The following ARHGEF4 variants were observed in gnomAD, a reference collection of about 807,000 sequenced individuals.
ARHGEF4 encodes the protein APC-stimulated guanine nucleotide exchange factor 1.
A neutral mutation model predicts 162.0 loss-of-function variants in ARHGEF4; 119 were observed. That is an observed-to-expected ratio of 0.73 (90% CI 0.63 to 0.86). The LOEUF is 0.86. Among genes scored for constraint, ARHGEF4 ranks in the 40% least tolerant of loss-of-function variants. The pLI is 0.00. For synonymous variants in ARHGEF4, 1,014 were observed against 979.9 expected (o/e 1.03, Z -0.65); for missense variants, 2,488 against 2,456.0 (o/e 1.01, Z -0.28).
At chr2:130,930,920 C>T (rs750237697) in intron 2 of ARHGEF4, 32 bp from the exon 3 acceptor site, 1 of 1,571,692 alleles carries the variant, frequency 6.4e-7, no homozygotes, top group Non-Finnish European at 8.7e-7. Context: ...CCTTTGACCT[C>T]TGACCCCTGA....
In ARHGEF4 at chr2:130,915,840, A is replaced by C. The variant is rs1681451850; in HGVS notation, c.1894A>C (p.Ile632Leu). The part of the protein sequence containing the change: ...GEASRGRGAL[I>L]IVAVEQKGLQ... ...GGCCTCGAGGGGCAGGGGCGCCCTC[A>C]TCATTGTAGCTGTGGAGCAGAAAGG... is the stretch of plus-strand genomic sequence containing the variant. Residue 632 changes from isoleucine (I) to leucine (L), a missense_variant, in exon 2 of 14, where the codon ATC becomes CTC. By Grantham distance (5) the Ile-to-Leu change is conservative (BLOSUM62 2). Coordinates refer to ENST00000409359, the MANE Select transcript of ARHGEF4 (RefSeq NM_001367493.1). 2 of 1,536,600 alleles carry C rather than the reference A, an allele frequency of 1.3e-6. No individual in the cohort carries two copies. Among genetic ancestry groups the C allele is most frequent in the African/African-American group, 1.4e-5 (1 of 72,610 alleles).
At position 130,931,226 on chromosome 2, in the gene ARHGEF4, A is replaced by C. The variant is rs759472736; in HGVS notation, c.3827A>C (p.His1276Pro). 1 of 1,612,532 alleles carries C rather than the reference A, an allele frequency of 6.2e-7. No individual in the cohort carries two copies. The highest frequency in any genetic ancestry group is 8.5e-7 in the Non-Finnish European group (1 of 1,179,034). ...CAGGCCCACGTCGAAAGGAGGCTGC[A>C]CATAGGGGCAGTGCACAAAGATGGA... is the stretch of plus-strand genomic sequence containing the variant. The part of the protein sequence containing the change: ...QKQAHVERRL[H>P]IGAVHKDGVK... The change falls in exon 3 of 14, where the codon CAC becomes CCC. Residue 1276 changes from histidine (H) to proline (P), a missense_variant. Around this residue, in one of 6 missense-constraint regions of ARHGEF4, gnomAD observed 1,642 missense variants for 1,481.5 expected, o/e 1.11. Coordinates refer to ENST00000409359, the MANE Select transcript of ARHGEF4 (RefSeq NM_001367493.1).
At chr2:130,909,200 A>G (rs1226712146) in intron 1 of ARHGEF4, among the ~76,000 whole-genome samples, 1 of 152,236 alleles carries the variant, frequency 6.6e-6, no homozygotes, top group Non-Finnish European at 1.5e-5. Context: ...GCACATGTCC[A>G]TATAAAGACC....
intron 5 of ARHGEF4, 142 bp from the exon 6 acceptor site, chr2:131,038,711 C>T: frequency 1.1e-6 from 1 of 870,744 alleles, no homozygotes. Context: ...AGCCCTGCTC[C>T]TGTCAGAGGC....
At chr2:130,965,308 T>C (rs902808658) in intron 4 of ARHGEF4, among the ~76,000 whole-genome samples, 2 of 152,248 alleles carry the variant, frequency 1.3e-5, no homozygotes, top group Non-Finnish European at 2.9e-5. Flanking sequence ...GTTTGGACTT[T>C]GCAGTCAGCG....
chr2:131,045,499 C>T lies in ARHGEF4; in HGVS notation c.5479+53C>T, dbSNP rs781182076. On this transcript the variant is annotated intron_variant, in intron 13 of 13. Coordinates refer to ENST00000409359, the MANE Select transcript of ARHGEF4 (RefSeq NM_001367493.1). ...GGCTGCCCGGTCCTTACCCTGCTGACATCATTCCCTTCTCTGAACCACAAA... is the reference window on the plus strand; with the variant it reads ...GGCTGCCCGGTCCTTACCCTGCTGATATCATTCCCTTCTCTGAACCACAAA... 6.2e-6 allele frequency: 10 copies of T among 1,613,632 alleles called. No homozygotes were observed. The East Asian group carries it at 2.2e-4, about 36-fold the overall frequency.
chr2:130,988,939 G>T (rs910345840), intron 4 of ARHGEF4, among the ~76,000 whole-genome samples: 2 of 145,086 alleles, frequency 1.4e-5, no homozygotes, highest in African/African-American at 2.6e-5. Context: ...GAGAGAGAAA[G>T]ATTCCAAAAA....
intron 4 of ARHGEF4, 27 bp downstream of exon 4, chr2:130,946,662 T>C: frequency 6.2e-7 from 1 of 1,613,050 alleles, no homozygotes; most frequent in South Asian, 1.1e-5. Flanking sequence ...TCTCTTTTGC[T>C]ATGTACTCTG....
At chr2:130,853,519 T>C (rs1307949969) in intron 1 of ARHGEF4, among the ~76,000 whole-genome samples, 4 of 152,172 alleles carry the variant, frequency 2.6e-5, no homozygotes, top group Non-Finnish European at 5.9e-5. Flanking sequence ...TCACAGGTGT[T>C]GTGAGGGAGG....
At chr2:130,872,141 T>TA (rs1678528931) in intron 1 of ARHGEF4, among the ~76,000 whole-genome samples, 1 of 152,246 alleles carries the variant, frequency 6.6e-6, no homozygotes, top group African/African-American at 2.4e-5. Flanking sequence ...CTTAGCCTTA[T>TA]AAAAATGAGT....
At chr2:130,871,555 A>G (rs1678490121) in intron 1 of ARHGEF4, among the ~76,000 whole-genome samples, 1 of 146,806 alleles carries the variant, frequency 6.8e-6, no homozygotes. Flanking sequence ...ATATATATAT[A>G]CATATATATA....
At chr2:130,971,987 G>C (rs182963826) in intron 4 of ARHGEF4, among the ~76,000 whole-genome samples, 1 of 152,304 alleles carries the variant, frequency 6.6e-6, no homozygotes, top group East Asian at 1.9e-4. Context: ...TACTAGGCCA[G>C]TTTTTCCAAC....
intron 3 of ARHGEF4, among the ~76,000 whole-genome samples, chr2:130,932,541 A>T (rs1015631018): frequency 6.6e-6 from 1 of 152,192 alleles, no homozygotes; most frequent in South Asian, 2.1e-4. Context: ...ATGTAAGACC[A>T]TTATAAGATA....
intron 4 of ARHGEF4, among the ~76,000 whole-genome samples, chr2:131,017,228 G>C (rs1457994370): frequency 6.6e-6 from 1 of 152,172 alleles, no homozygotes; most frequent in Non-Finnish European, 1.5e-5. Flanking sequence ...CTTTGTAAGA[G>C]AGTTTGAGCC....
At chr2:131,028,984 G>A (rs1263337384) in intron 5 of ARHGEF4, among the ~76,000 whole-genome samples, 5 of 152,126 alleles carry the variant, frequency 3.3e-5, no homozygotes, top group Non-Finnish European at 7.4e-5. Flanking sequence ...GGAGGGTGGC[G>A]TCCTCCTTAC....
At chr2:131,036,234 T>C (rs1466876309) in intron 5 of ARHGEF4, among the ~76,000 whole-genome samples, 1 of 152,244 alleles carries the variant, frequency 6.6e-6, no homozygotes, top group Admixed American at 6.5e-5. Context: ...CCTACGAAAC[T>C]GTCTCTGACC....
intron 3 of ARHGEF4, among the ~76,000 whole-genome samples, chr2:130,935,782 T>G (rs2105117246): frequency 6.6e-6 from 1 of 152,284 alleles, no homozygotes; most frequent in South Asian, 2.1e-4. Context: ...TTTTAAAATT[T>G]ACTGGCCAGG....
intron 4 of ARHGEF4, among the ~76,000 whole-genome samples, chr2:130,963,342 C>A (rs1321043876): frequency 6.6e-6 from 1 of 152,044 alleles, no homozygotes; most frequent in Non-Finnish European, 1.5e-5. Flanking sequence ...GAGCGCGCTC[C>A]CCCCGCCGGC....
intron 1 of ARHGEF4, among the ~76,000 whole-genome samples, chr2:130,899,596 C>A (rs1409448218): frequency 1.3e-5 from 2 of 152,172 alleles, no homozygotes; most frequent in Non-Finnish European, 2.9e-5. Context: ...GACGGGAGAG[C>A]CGCCAAAGAC....
Sources: gnomAD v4.1 joint callset for allele counts (sites outside exome capture counted in the v4.1 genomes callset) on GRCh38, gnomAD v4.1.1 for gene constraint, gnomAD v4.1.1 regional missense constraint, MANE v1.5 for transcripts, NCBI Gene and HGNC (gene_info 2026-07-23, HGNC 2026-07-21) for gene names.